Variants in GALNT13 observed in about 807,000 individuals in gnomAD.
GALNT13 encodes the protein UDP-GalNAc:polypeptide N-acetylgalactosaminyltransferase 13.
GALNT13 carries 28 observed loss-of-function variants against 64.2 expected under a neutral mutation model. The ratio of observed to expected loss-of-function variants is 0.44; its 90% confidence interval spans 0.32 to 0.60. The LOEUF is 0.60. Ranked by LOEUF, GALNT13 falls within the 20% of genes least tolerant of loss-of-function variation. GALNT13 has a pLI of 0.05. For synonymous variants in GALNT13, 214 were observed against 224.6 expected (o/e 0.95, Z 0.42); for missense variants, 577 against 669.8 (o/e 0.86, Z 1.53).
At chr2:153,691,158 A>G in the GALNT13 span, among the ~76,000 whole-genome samples, 6 of 152,180 alleles carry the variant, frequency 3.9e-5, no homozygotes, top group African/African-American at 1.4e-4. Flanking sequence ...ATCTGCAACT[A>G]TGCCCAATTT....
At chr2:154,066,618 G>A (rs114468876) in intron 3 of GALNT13, among the ~76,000 whole-genome samples, 126 of 151,534 alleles carry the variant, frequency 8.3e-4, no homozygotes, top group African/African-American at 2.9e-3. Context: ...GCCCTAGAAT[G>A]GTATATCCAG....
intron 2 of GALNT13, among the ~76,000 whole-genome samples, chr2:153,920,566 G>C (rs1449082362): frequency 6.6e-6 from 1 of 152,010 alleles, no homozygotes; most frequent in African/African-American, 2.4e-5. Context: ...GCTGGACCTA[G>C]AAACTGGCAA....
chr2:154,061,435 A>G (rs889363229), intron 3 of GALNT13, among the ~76,000 whole-genome samples: 61 of 152,172 alleles, frequency 4.0e-4, no homozygotes, highest in African/African-American at 1.4e-3. Flanking sequence ...GGACTCCTCA[A>G]TCCTTTGTCA....
chr2:153,293,761 T>TTGTGTG, the GALNT13 span, among the ~76,000 whole-genome samples: 3 of 104,738 alleles, frequency 2.9e-5, no homozygotes, highest in South Asian at 3.1e-4. Context: ...TTTTTTCTGT[T>TTGTGTG]TGTGTGTGTG....
At chr2:154,122,663 G>C (rs1682020854) in intron 3 of GALNT13, among the ~76,000 whole-genome samples, 1 of 151,816 alleles carries the variant, frequency 6.6e-6, no homozygotes, top group African/African-American at 2.4e-5. Flanking sequence ...TGTGTGTTTT[G>C]ATAGTTTTGT....
At chr2:153,207,085 CTT>C in the GALNT13 span, among the ~76,000 whole-genome samples, 1 of 152,034 alleles carries the variant, frequency 6.6e-6, no homozygotes, top group Non-Finnish European at 1.5e-5. Flanking sequence ...ATATTACTAT[CTT>C]ATAAATGTTT....
the GALNT13 span, among the ~76,000 whole-genome samples, chr2:153,080,534 A>G: frequency 6.6e-6 from 1 of 152,100 alleles, no homozygotes; most frequent in Non-Finnish European, 1.5e-5. Context: ...TTGATCTACC[A>G]TTTCTTGTGA....
chr2:153,914,281 C>A (rs374904451), intron 2 of GALNT13, among the ~76,000 whole-genome samples: 1 of 151,948 alleles, frequency 6.6e-6, no homozygotes, highest in East Asian at 1.9e-4. Context: ...GTCAGGAGTT[C>A]GAGACCAGTC....
chr2:154,369,254 G>A (rs1245940940), intron 9 of GALNT13, among the ~76,000 whole-genome samples: 1 of 151,998 alleles, frequency 6.6e-6, no homozygotes, highest in African/African-American at 2.4e-5. Context: ...ACTATAGAAA[G>A]AGCACAAACT....
the GALNT13 span, among the ~76,000 whole-genome samples, chr2:153,250,159 A>G: frequency 6.6e-6 from 1 of 152,254 alleles, no homozygotes; most frequent in African/African-American, 2.4e-5. Flanking sequence ...TCTAATATCC[A>G]GAATCTACAA....
At chr2:154,445,333 T>C (rs1249087771) in intron 12 of GALNT13, among the ~76,000 whole-genome samples, 2 of 152,034 alleles carry the variant, frequency 1.3e-5, no homozygotes, top group East Asian at 3.9e-4. Context: ...ATTTTGTTTT[T>C]GTTTTATGTC....
At chr2:154,152,045 G>A (rs1047781183) in intron 4 of GALNT13, among the ~76,000 whole-genome samples, 1 of 152,156 alleles carries the variant, frequency 6.6e-6, no homozygotes, top group Non-Finnish European at 1.5e-5. Context: ...TTACAATTTG[G>A]CATGTTTTTG....
At chr2:153,144,472 AG>A in the GALNT13 span, among the ~76,000 whole-genome samples, 1 of 151,968 alleles carries the variant, frequency 6.6e-6, no homozygotes, top group African/African-American at 2.4e-5. Context: ...ATTTGTCATT[AG>A]GTAAGTGGCT....
At chr2:153,585,537 A>G in the GALNT13 span, among the ~76,000 whole-genome samples, 11 of 152,218 alleles carry the variant, frequency 7.2e-5, no homozygotes, top group Non-Finnish European at 1.6e-4. Context: ...AACTTTTAAC[A>G]TATACGAAAA....
intron 3 of GALNT13, among the ~76,000 whole-genome samples, chr2:153,951,633 G>A (rs1375004228): frequency 1.3e-5 from 2 of 152,134 alleles, no homozygotes; most frequent in Admixed American, 6.6e-5. Context: ...AAGGAAGGAT[G>A]TAGGAGATGA....
chr2:154,180,619 G>C (rs1685908405), intron 4 of GALNT13, among the ~76,000 whole-genome samples: 1 of 152,016 alleles, frequency 6.6e-6, no homozygotes, highest in African/African-American at 2.4e-5. Flanking sequence ...AAATCACCAT[G>C]CATAATAAGC....
chr2:153,436,351 T>A, the GALNT13 span, among the ~76,000 whole-genome samples: 2 of 152,174 alleles, frequency 1.3e-5, no homozygotes, highest in Non-Finnish European at 2.9e-5. Flanking sequence ...ATAAAATGAG[T>A]TAGGGAGGAT....
chr2:153,197,972 C>T, the GALNT13 span, among the ~76,000 whole-genome samples: 1 of 152,168 alleles, frequency 6.6e-6, no homozygotes, highest in Non-Finnish European at 1.5e-5. Context: ...GGGGCAGCAT[C>T]CCTGGTACAC....
chr2:153,183,112 T>G, the GALNT13 span, among the ~76,000 whole-genome samples: 1 of 152,206 alleles, frequency 6.6e-6, no homozygotes, highest in Non-Finnish European at 1.5e-5. Context: ...AAAGTGTTCC[T>G]TTTTCTTCAT....
Sources: gnomAD v4.1 joint callset for allele counts (sites outside exome capture counted in the v4.1 genomes callset) on GRCh38, gnomAD v4.1.1 for gene constraint, MANE v1.5 for transcripts, NCBI Gene and HGNC (gene_info 2026-07-23, HGNC 2026-07-21) for gene names.